SNRPN: variants seen among roughly 807,000 people sequenced by gnomAD.
The protein encoded by SNRPN is small nuclear ribonucleoprotein polypeptide N.
In SNRPN, 7 loss-of-function variants were observed where a neutral mutation model predicts 25.2. The observed-to-expected ratio is 0.28, with a 90% CI of 0.16 to 0.52. The LOEUF (loss-of-function observed/expected upper bound fraction) is 0.52. Ranked by LOEUF, SNRPN falls within the 20% of genes least tolerant of loss-of-function variation. The pLI is 0.96. For missense variants in SNRPN, 196 were observed against 322.5 expected (o/e 0.61, Z 3.00); for synonymous variants, 124 against 110.6 (o/e 1.12, Z -0.76).
intron 2 of SNRPN, among the ~76,000 whole-genome samples, chr15:24,887,118 A>G (rs2150133975): frequency 6.6e-6 from 1 of 150,698 alleles, no homozygotes; most frequent in African/African-American, 2.4e-5. Flanking sequence ...TCCTATAGAA[A>G]TATATCCCCA....
chr15:24,859,818 T>C (rs1257986703), intron 1 of SNRPN, among the ~76,000 whole-genome samples: 1 of 152,216 alleles, frequency 6.6e-6, no homozygotes, highest in Non-Finnish European at 1.5e-5. Flanking sequence ...CTCCCCTTTT[T>C]AGACCATATA....
Position 24,912,592 on chromosome 15 carries a change from T to C in SNRPN, c.-504-7419T>C, listed in dbSNP as rs566892826. ...TGGAGTGCTATGGTTTGAATAATGG[T>C]GTCCCTTCTAAAATTAGTGTGGAAA... is the stretch of plus-strand genomic sequence containing the variant. On this transcript the variant is annotated intron_variant, in intron 2 of 11. Transcript: ENST00000400097. 3.9e-5 allele frequency: 6 copies of C among 152,332 alleles called. No homozygotes were observed. The East Asian group carries it at 1.2e-3, about 29-fold the overall frequency. 9.4% of individuals were successfully genotyped at this position (152,332 alleles called of 1,614,324 possible).
At chr15:24,914,620 A>G (rs1026984393) in intron 2 of SNRPN, among the ~76,000 whole-genome samples, 2 of 152,314 alleles carry the variant, frequency 1.3e-5, no homozygotes, top group Middle Eastern at 3.4e-3. Context: ...TGTCCAGAGC[A>G]ATCAATGGCT....
At chr15:24,900,615 A>G (rs1684846488) in intron 2 of SNRPN, among the ~76,000 whole-genome samples, 1 of 152,220 alleles carries the variant, frequency 6.6e-6, no homozygotes, top group African/African-American at 2.4e-5. Flanking sequence ...ATTGAATAGC[A>G]ACCTATTCCT....
chr15:24,972,814 A>G (rs138806693), intron 3 of SNRPN, among the ~76,000 whole-genome samples: 2 of 152,230 alleles, frequency 1.3e-5, no homozygotes, highest in African/African-American at 2.4e-5. Context: ...ATTCCGTTCA[A>G]CAACAGACTG....
At chr15:24,844,113 G>A (rs1226958019) in intron 2 of SNRPN, among the ~76,000 whole-genome samples, 3 of 150,454 alleles carry the variant, frequency 2.0e-5, no homozygotes, top group Admixed American at 2.0e-4. Context: ...TGGACTCTGT[G>A]TGTTTGTGTG....
chr15:24,879,264 G>C (rs1224658178), intron 1 of SNRPN, among the ~76,000 whole-genome samples: 1 of 151,822 alleles, frequency 6.6e-6, no homozygotes, highest in African/African-American at 2.4e-5. Flanking sequence ...GTGAAACCTC[G>C]TCTCTACTAA....
chr15:24,833,177 TG>T (rs1310379963), intron 2 of SNRPN, among the ~76,000 whole-genome samples: 1 of 148,676 alleles, frequency 6.7e-6, no homozygotes, highest in East Asian at 2.0e-4. Context: ...GAATGATGCC[TG>T]GAGCTTGGTT....
intron 1 of SNRPN, among the ~76,000 whole-genome samples, chr15:24,868,781 G>A (rs1173717892): frequency 6.6e-6 from 1 of 152,154 alleles, no homozygotes; most frequent in Non-Finnish European, 1.5e-5. Context: ...ATAGAGATAT[G>A]CATTAATTTA....
At chr15:24,902,909 A>C (rs1299698980) in intron 2 of SNRPN, among the ~76,000 whole-genome samples, 1 of 152,248 alleles carries the variant, frequency 6.6e-6, no homozygotes, top group Non-Finnish European at 1.5e-5. Context: ...GTGGGTTGCC[A>C]CTGCTGGCTC....
At chr15:24,865,339 G>A (rs1270774996) in intron 1 of SNRPN, among the ~76,000 whole-genome samples, 6 of 152,114 alleles carry the variant, frequency 3.9e-5, no homozygotes, top group East Asian at 1.9e-4. Flanking sequence ...GAGCCACCAC[G>A]CCCAGCTGAG....
At chr15:24,876,867 C>T (rs1407976953) in intron 1 of SNRPN, among the ~76,000 whole-genome samples, 2 of 152,068 alleles carry the variant, frequency 1.3e-5, no homozygotes, top group African/African-American at 4.8e-5. Flanking sequence ...TGAGACATCG[C>T]AAGGAGAGCA....
intron 1 of SNRPN, among the ~76,000 whole-genome samples, chr15:24,869,642 T>C (rs12595147): frequency 0.33 from 49,673 of 152,046 alleles, 9,361 homozygotes; most frequent in African/African-American, 0.5. Context: ...AGAGAAAATG[T>C]CATTGTAACC....
At chr15:24,826,808 T>G (rs561531381) in intron 1 of SNRPN, among the ~76,000 whole-genome samples, 1 of 151,926 alleles carries the variant, frequency 6.6e-6, no homozygotes, top group African/African-American at 2.4e-5. Context: ...TAAACTAGAG[T>G]CACGCATTGA....
intron 1 of SNRPN, among the ~76,000 whole-genome samples, chr15:24,868,265 T>C: frequency 6.6e-6 from 1 of 152,148 alleles, no homozygotes; most frequent in Non-Finnish European, 1.5e-5. Flanking sequence ...ACTTGTGAAC[T>C]GATAGAGTGT....
intron 4 of SNRPN, chr15:24,974,992 A>G (rs1169621523): frequency 2.8e-6 from 2 of 702,948 alleles, no homozygotes; most frequent in Admixed American, 2.0e-5. Flanking sequence ...GGGCTTTGAA[A>G]ATGGAAGGGT....
chr15:24,892,187 C>G (rs2057734600), intron 2 of SNRPN, among the ~76,000 whole-genome samples: 1 of 152,162 alleles, frequency 6.6e-6, no homozygotes, highest in African/African-American at 2.4e-5. Context: ...CAGTCTATTT[C>G]CAAATAGTCT....
chr15:24,956,668 G>C (rs1596167463), intron 1 of SNRPN, among the ~76,000 whole-genome samples: 1 of 152,194 alleles, frequency 6.6e-6, no homozygotes, highest in East Asian at 1.9e-4. Context: ...GGCTGATACA[G>C]CAGCTGTTCC....
Position 24,961,152 on chromosome 15 carries a change from A to C in SNRPN, c.-390-962A>C, listed in dbSNP as rs192550031. ...ATATTTAATAGACCATTGTGTAATC[A>C]AAAGTAATAAACATTATCAGTGTAT... On this transcript the variant is annotated intron_variant, in intron 1 of 9. Coordinates refer to ENST00000390687, the MANE Select transcript of SNRPN (RefSeq NM_003097.6). 4.4e-3 allele frequency among the ~76,000 whole-genome samples: 674 copies of C among 152,336 alleles called. 2 individuals are homozygous for C. Among genetic ancestry groups the C allele is most frequent in the African/African-American group, 0.016 (653 of 41,578 alleles).
Sources: allele counts gnomAD v4.1 joint callset (sites outside exome capture counted in the v4.1 genomes callset), GRCh38; gene constraint gnomAD v4.1.1; transcripts MANE v1.5; gene names NCBI Gene and HGNC (gene_info 2026-07-23, HGNC 2026-07-21).